OPCML: variants seen among roughly 807,000 people sequenced by gnomAD.
The protein encoded by OPCML is opioid binding protein/cell adhesion molecule like, also known as opioid-binding protein/cell adhesion molecule.
OPCML carries 13 observed loss-of-function variants against 37.8 expected under a neutral mutation model. The ratio of observed to expected loss-of-function variants is 0.34; its 90% CI spans 0.22 to 0.55. The LOEUF (loss-of-function observed/expected upper bound fraction) is 0.55, where lower values mean the gene tolerates loss of function less well. Ranked by LOEUF, OPCML falls within the 20% of genes least tolerant of loss-of-function variation. The pLI is 0.91. For missense variants in OPCML, 341 were observed against 435.6 expected, an observed-to-expected ratio of 0.78 and a Z score of 1.93; for synonymous variants, 176 against 168.8, an observed-to-expected ratio of 1.04 and a Z score of -0.33.
intron 1 of OPCML, among the ~76,000 whole-genome samples, chr11:133,282,604 A>G (rs1267847336): frequency 6.6e-6 from 1 of 152,222 alleles, no homozygotes; most frequent in Non-Finnish European, 1.5e-5. Context: ...AGTTTCCACC[A>G]GGGAACTGCC....
In OPCML at chr11:133,518,853, C is replaced by T. The variant is rs190531844; in HGVS notation, c.61+13411G>A. On this transcript the variant is annotated intron_variant, in intron 1 of 7. Coordinates refer to ENST00000524381, the MANE Select transcript of OPCML (RefSeq NM_001012393.5). ...TGGAAGATCTGTGGCAGCCACTGTC[C>T]ATGCAGAGATGCCCTGTGCCCGCCC... 1.5e-3 allele frequency among the ~76,000 whole-genome samples: 224 copies of T among 147,460 alleles called. 3 individuals carry two copies. The highest frequency in any genetic ancestry group is 1.8e-4 in the Non-Finnish European group (12 of 67,808).
At chr11:132,517,050 G>A (rs1029114967) in intron 4 of OPCML, among the ~76,000 whole-genome samples, 1 of 152,112 alleles carries the variant, frequency 6.6e-6, no homozygotes, top group African/African-American at 2.4e-5. Flanking sequence ...TTTCACAGCT[G>A]GTTAGGCCCC....
At chr11:133,161,985 CTTTTTTTTTTTT>C (rs553617547) in intron 1 of OPCML, among the ~76,000 whole-genome samples, 9 of 85,484 alleles carry the variant, frequency 1.1e-4, no homozygotes, top group Admixed American at 5.5e-4. Context: ...CAGTCTCTGT[CTTTTTTTTTTTT>C]TTTTTTTTTT....
intron 1 of OPCML, among the ~76,000 whole-genome samples, chr11:133,358,989 T>G (rs1944354982): frequency 6.6e-6 from 1 of 150,748 alleles, no homozygotes; most frequent in African/African-American, 2.4e-5. Flanking sequence ...AGATGAGGGA[T>G]GATTTGGGGG....
At chr11:133,363,622 A>C (rs983712890) in intron 1 of OPCML, among the ~76,000 whole-genome samples, 4 of 152,144 alleles carry the variant, frequency 2.6e-5, no homozygotes, top group Non-Finnish European at 4.4e-5. Flanking sequence ...TTTCCTATGC[A>C]CGTGTGTTCT....
intron 1 of OPCML, among the ~76,000 whole-genome samples, chr11:133,373,391 T>A (rs955136963): frequency 6.8e-6 from 1 of 146,602 alleles, no homozygotes; most frequent in Non-Finnish European, 1.5e-5. Context: ...GGTGAAACCC[T>A]GTCTCTACTA....
chr11:133,457,495 T>C (rs1322664676), intron 1 of OPCML, among the ~76,000 whole-genome samples: 1 of 152,170 alleles, frequency 6.6e-6, no homozygotes, highest in Non-Finnish European at 1.5e-5. Context: ...GCAGTCATCA[T>C]GCCACTACAT....
At chr11:133,084,713 A>G (rs892678687) in intron 1 of OPCML, among the ~76,000 whole-genome samples, 3 of 152,146 alleles carry the variant, frequency 2.0e-5, no homozygotes, top group Admixed American at 6.5e-5. Flanking sequence ...TGGGGTCTCC[A>G]TGTCCTTCTG....
At chr11:132,909,458 C>A (rs1411110119) in intron 2 of OPCML, among the ~76,000 whole-genome samples, 1 of 152,198 alleles carries the variant, frequency 6.6e-6, no homozygotes, top group Non-Finnish European at 1.5e-5. Flanking sequence ...GCCACAGCTT[C>A]CTGGAAGATG....
At chr11:133,463,852 G>A (rs1946914818) in intron 1 of OPCML, among the ~76,000 whole-genome samples, 1 of 152,164 alleles carries the variant, frequency 6.6e-6, no homozygotes, top group Non-Finnish European at 1.5e-5. Context: ...AAAGATTCAA[G>A]AGGACTCAAA....
At chr11:133,070,539 C>G (rs1250376001) in intron 1 of OPCML, among the ~76,000 whole-genome samples, 2 of 152,266 alleles carry the variant, frequency 1.3e-5, no homozygotes, top group Non-Finnish European at 2.9e-5. Flanking sequence ...AGGGGACTGG[C>G]TACAAGCCCT....
intron 1 of OPCML, among the ~76,000 whole-genome samples, chr11:133,240,212 C>CAAAAA (rs35643678): frequency 4.5e-5 from 3 of 66,042 alleles, no homozygotes; most frequent in Non-Finnish European, 8.5e-5. Flanking sequence ...ACACTTGGGG[C>CAAAAA]AAAAAAAAAA....
At chr11:132,839,530 A>AATGCTTCTT (rs1276021160) in intron 2 of OPCML, among the ~76,000 whole-genome samples, 10 of 152,332 alleles carry the variant, frequency 6.6e-5, no homozygotes, top group African/African-American at 2.4e-4. Flanking sequence ...AGGCTAATTA[A>AATGCTTCTT]ATGCTTCTTG....
At chr11:132,788,152 T>C (rs566261682) in intron 2 of OPCML, among the ~76,000 whole-genome samples, 1 of 152,312 alleles carries the variant, frequency 6.6e-6, no homozygotes, top group East Asian at 1.9e-4. Context: ...GTGCTGGGAT[T>C]GCAGGCGTGA....
chr11:133,250,295 G>C (rs934548226), intron 1 of OPCML, among the ~76,000 whole-genome samples: 3 of 152,126 alleles, frequency 2.0e-5, no homozygotes, highest in Non-Finnish European at 4.4e-5. Flanking sequence ...AGCTGTCAAT[G>C]TTTTGGACAA....
intron 3 of OPCML, among the ~76,000 whole-genome samples, chr11:132,550,620 C>A (rs1480467300): frequency 6.6e-6 from 1 of 152,206 alleles, no homozygotes; most frequent in African/African-American, 2.4e-5. Context: ...TTTATAGCAA[C>A]ACAAGAATGG....
intron 4 of OPCML, among the ~76,000 whole-genome samples, chr11:132,477,775 T>C (rs2096162302): frequency 6.6e-6 from 1 of 152,218 alleles, no homozygotes; most frequent in African/African-American, 2.4e-5. Context: ...TAGACTGATG[T>C]ATTAAGGTAA....
At chr11:133,044,755 A>G (rs1489585817) in intron 1 of OPCML, among the ~76,000 whole-genome samples, 1 of 152,184 alleles carries the variant, frequency 6.6e-6, no homozygotes, top group Non-Finnish European at 1.5e-5. Flanking sequence ...GAATCCCGGT[A>G]GAATGATGGG....
chr11:132,494,897 GC>G (rs1184467639), intron 4 of OPCML, among the ~76,000 whole-genome samples: 1 of 152,146 alleles, frequency 6.6e-6, no homozygotes. Flanking sequence ...ACAAGAGGAA[GC>G]TATTAATTGT....
Sources: allele counts gnomAD v4.1 joint callset (sites outside exome capture counted in the v4.1 genomes callset), GRCh38; gene constraint gnomAD v4.1.1; transcripts MANE v1.5; gene names NCBI Gene and HGNC (gene_info 2026-07-23, HGNC 2026-07-21).